The following ZDHHC22 variants were observed in gnomAD, a reference collection of about 807,000 sequenced individuals.
ZDHHC22 encodes zDHHC palmitoyltransferase 22, also known as palmitoyltransferase ZDHHC22.
In ZDHHC22, 13 loss-of-function variants were observed where a neutral mutation model predicts 17.0. That is an observed-to-expected ratio of 0.76 (90% CI 0.50 to 1.21). ZDHHC22 has a LOEUF of 1.21. Among genes scored for constraint, ZDHHC22 ranks in the 50% most tolerant of loss-of-function variants. ZDHHC22 has a pLI of 0.00. For synonymous variants in ZDHHC22, 138 were observed against 154.7 expected, an observed-to-expected ratio of 0.89 and a Z score of 0.80; for missense variants, 319 against 342.3, an observed-to-expected ratio of 0.93 and a Z score of 0.54.
chr14:77,137,983 G>A (rs746443622), intron 2 of ZDHHC22, among the ~76,000 whole-genome samples: 262 of 152,288 alleles, frequency 1.7e-3, no homozygotes, highest in Non-Finnish European at 2.9e-3. Flanking sequence ...CCACTCAGTA[G>A]CAGGAAGACA....
chr14:77,135,711 C>T (rs10147405), intron 2 of ZDHHC22, among the ~76,000 whole-genome samples: 9,722 of 152,208 alleles, frequency 0.064, 668 homozygotes, highest in African/African-American at 0.17. Context: ...GGCCCTCAAG[C>T]TGGGATGTGA....
In ZDHHC22 at chr14:77,133,773, T is replaced by G. The variant is rs891912239; in HGVS notation, c.702A>C (p.Leu234Phe). The G allele has an allele frequency of 2.5e-6, 4 of 1,614,024 alleles. No homozygotes were observed. In the Admixed American group the frequency reaches 5.0e-5, roughly 20 times the overall value. Reference protein sequence around the residue: ...AVRARPWRKNLQEVFGKRWLL... With the variant: ...AVRARPWRKNFQEVFGKRWLL... ...GCCACCTCTTTCCGAAGACCTCTTG[T>G]AAGTTCTTGCGCCAGGGCCGGGCCC... Residue 234 changes from leucine to phenylalanine, a missense_variant, in exon 3 of 3, where the codon TTA becomes TTC. Transcript: ENST00000319374.
rs1594831532 is a variant in ZDHHC22 at position 77,139,268 on chromosome 14, G to A, written c.471C>T (p.Ala157=). 4 of 1,595,378 alleles carry A rather than the reference G, an allele frequency of 2.5e-6. No individual in the cohort carries two copies. The East Asian group carries it at 9.1e-5, about 36-fold the overall frequency. Residue 157 remains alanine (A), a synonymous_variant, in exon 2 of 3, where the codon GCC becomes GCT. Coordinates refer to ENST00000319374, the MANE Select transcript of ZDHHC22 (RefSeq NM_174976.2). ...YISAVLSISF[A]HPLAFLTLLP... ...GGAGCGTGAGGAAGGCCAAGGGGTGGGCGAAGGAGATGGAAAGGACAGCGG... is the reference window on the plus strand; with the variant it reads ...GGAGCGTGAGGAAGGCCAAGGGGTGAGCGAAGGAGATGGAAAGGACAGCGG...
In ZDHHC22 at chr14:77,133,716, G is replaced by T. The variant is rs767563207; in HGVS notation, c.759C>A (p.Val253=). Reference sequence around the variant, plus strand: ...CCTGCTGCTTGGAGCTCTCACTTCCGACATTGAACATGGGGACCAGCAGGC... The same window carrying T: ...CCTGCTGCTTGGAGCTCTCACTTCCTACATTGAACATGGGGACCAGCAGGC... The part of the protein sequence containing the change: ...LLGLLVPMFN[V]GSESSKQQDK Residue 253 remains valine, a synonymous_variant, in exon 3 of 3, where the codon GTC becomes GTA. Transcript: ENST00000319374. 2 of 1,613,936 alleles carry T rather than the reference G, an allele frequency of 1.2e-6. No homozygotes were observed. The highest frequency in any genetic ancestry group is 1.1e-5 in the South Asian group (1 of 91,064).
chr14:77,133,131 C>A lies in ZDHHC22; in HGVS notation c.*552G>T, dbSNP rs955863538. ...AACCTGGTGGGGGGTGGTGAGGGAG[C>A]AGCAAGCTACTAAGTTCTTTTTCCT... On this transcript the variant is annotated 3_prime_UTR_variant, in exon 3 of 3. Transcript: ENST00000319374. 6.6e-6 allele frequency: 1 copy of A among 152,404 alleles called. No individual in the cohort carries two copies. Among genetic ancestry groups the A allele is most frequent in the Non-Finnish European group, 1.5e-5 (1 of 68,238 alleles). The allele number at this position is 152,404 out of a possible 1,614,324, so 9.4% of individuals were successfully genotyped here. A position where few individuals can be genotyped will look rare whatever the true frequency, so the allele number is the denominator to read the frequency against.
rs981834472 is a variant in ZDHHC22, at chr14:77,140,975, A to G, written c.-15+628T>C. ...GTTGCACCTAGGATGGGTGGATGCC[A>G]CGGGGCCTCCGTCCAGGCTGTCCCG... On this transcript the variant is annotated intron_variant, in intron 1 of 2. Transcript: ENST00000319374. This position sits in a 1 kb window ranked among gnomAD's most constrained non-coding sequence, Gnocchi z 5.9. 3.3e-5 allele frequency: 5 copies of G among 152,262 alleles called. No homozygotes were observed. The highest frequency in any genetic ancestry group is 1.2e-4 in the African/African-American group (5 of 41,468). The allele number at this position is 152,262 out of a possible 1,614,324, so 9.4% of individuals were successfully genotyped here.
At position 77,140,155 on chromosome 14, in the gene ZDHHC22, G is replaced by A. The variant is rs905972547; in HGVS notation, c.-14-403C>T. On this transcript the variant is annotated intron_variant, in intron 1 of 2. Transcript: ENST00000319374. The surrounding 1 kb of genome is among the most constrained non-coding windows in gnomAD (Gnocchi z 5.9). Reference sequence around the variant, plus strand: ...GGATTTCTGGTTCAGACCTCCCTAGGAGGAGAAAGGGAAGGATTTGGGGTC... The same window carrying A: ...GGATTTCTGGTTCAGACCTCCCTAGAAGGAGAAAGGGAAGGATTTGGGGTC... 6.6e-5 allele frequency among the ~76,000 whole-genome samples: 10 copies of A among 152,092 alleles called. No individual in the cohort carries two copies. Among genetic ancestry groups the A allele is most frequent in the African/African-American group, 2.2e-4 (9 of 41,408 alleles).
intron 1 of ZDHHC22, chr14:77,141,272 A>G (rs1186028751): frequency 6.6e-6 from 1 of 152,300 alleles, no homozygotes; most frequent in Non-Finnish European, 1.5e-5. Flanking sequence ...GCGCGGGAGC[A>G]GCCAGATGCG....
rs1887075625 is a variant in ZDHHC22 at position 77,133,626 on chromosome 14, T to C, written c.*57A>G. ...ATGGGTGGAGACAAGGCTGCCATGG[T>C]TTTATGCTCAGGAGGAGTCAAGACA... On this transcript the variant is annotated 3_prime_UTR_variant, in exon 3 of 3. Transcript: ENST00000319374. 1 of 1,565,296 alleles carries C rather than the reference T, an allele frequency of 6.4e-7. No individual in the cohort carries two copies. Among genetic ancestry groups the C allele is most frequent in the African/African-American group, 1.4e-5 (1 of 73,918 alleles).
chr14:77,136,730 C>T lies in ZDHHC22; in HGVS notation c.526+2483G>A, dbSNP rs563931653. On this transcript the variant is annotated intron_variant, in intron 2 of 2. Coordinates refer to ENST00000319374, the MANE Select transcript of ZDHHC22 (RefSeq NM_174976.2). ...ATCCATGCTCTGGTGACAGATCTGA[C>T]TCAGATCTGTACCACAGTTGGGGAC... Among the ~76,000 whole-genome samples, 9 of 152,302 alleles carry T rather than the reference C, an allele frequency of 5.9e-5. No homozygotes were observed. In the South Asian group the frequency reaches 1.9e-3, roughly 32 times the overall value.
Position 77,133,412 on chromosome 14 carries a change from C to A in ZDHHC22, c.*271G>T. 2.3e-6 allele frequency: 1 copy of A among 439,322 alleles called. No individual in the cohort carries two copies. Among genetic ancestry groups the A allele is most frequent in the Non-Finnish European group, 4.0e-6 (1 of 248,052 alleles). 27.2% of individuals were successfully genotyped at this position (439,322 alleles called of 1,614,324 possible). A position where few individuals can be genotyped will look rare whatever the true frequency, so the allele number is the denominator to read the frequency against. ...CAGGAAGAGGGGGAAAGCAGGGATC[C>A]CAAGGGGACGGAAAGAAAGCAGAGG... On this transcript the variant is annotated 3_prime_UTR_variant, in exon 3 of 3. Transcript: ENST00000319374.
chr14:77,139,612 G>A lies in ZDHHC22; in HGVS notation c.127C>T (p.Leu43Phe). 3.8e-6 allele frequency: 6 copies of A among 1,584,346 alleles called. No homozygotes were observed. The highest frequency in any genetic ancestry group is 5.2e-6 in the Non-Finnish European group (6 of 1,164,982). ...SMREDPAAAR[L>F]FSPALLHGAL... ...CCGTGGAGCAGGGCGGGCGAGAAGA[G>A]CCGGGCGGCCGCGGGGTCCTCGCGC... Residue 43 changes from leucine to phenylalanine, a missense_variant, in exon 2 of 3, where the codon CTC (leucine) becomes TTC (phenylalanine). By Grantham distance (22) the Leu-to-Phe change is conservative (BLOSUM62 0). Transcript: ENST00000319374.
chr14:77,133,308 C>T lies in ZDHHC22; in HGVS notation c.*375G>A, dbSNP rs576769601. ...ATACCAGCAGCAAGAATCCACTCCC[C>T]TCTCCCAACATGGGGGCTGAGAGGA... On this transcript the variant is annotated 3_prime_UTR_variant, in exon 3 of 3. Transcript: ENST00000319374. 1.6e-5 allele frequency: 3 copies of T among 191,908 alleles called. No homozygotes were observed. Among genetic ancestry groups the T allele is most frequent in the African/African-American group, 4.7e-5 (2 of 43,006 alleles). The allele number at this position is 191,908 out of a possible 1,614,324, so 11.9% of individuals were successfully genotyped here.
intron 2 of ZDHHC22, among the ~76,000 whole-genome samples, chr14:77,138,475 T>C (rs1213852256): frequency 6.6e-6 from 1 of 152,236 alleles, no homozygotes; most frequent in East Asian, 1.9e-4. Flanking sequence ...AGAGAATCAC[T>C]TGAACCTGGG....
chr14:77,138,099 G>A (rs968216680), intron 2 of ZDHHC22, among the ~76,000 whole-genome samples: 2 of 152,168 alleles, frequency 1.3e-5, no homozygotes, highest in East Asian at 1.9e-4. Flanking sequence ...TACTGATTGT[G>A]GAAGCTAAGC....
chr14:77,139,655 G>A lies in ZDHHC22; in HGVS notation c.84C>T (p.Phe28=). ...CCTCGCGCATGCTGGGCAGGAAGAG[G>A]AAGAGCTGCAGCACGAAGGTCACCA... is the stretch of plus-strand genomic sequence containing the variant. ...ISLVTFVLQL[F]LFLPSMREDP... Residue 28 remains phenylalanine, a synonymous_variant, in exon 2 of 3, where the codon TTC becomes TTT. Coordinates refer to ENST00000319374, the MANE Select transcript of ZDHHC22 (RefSeq NM_174976.2). 1 of 1,573,564 alleles carries A rather than the reference G, an allele frequency of 6.4e-7. No individual in the cohort carries two copies. Among genetic ancestry groups the A allele is most frequent in the Non-Finnish European group, 8.6e-7 (1 of 1,159,598 alleles).
In ZDHHC22 at chr14:77,133,733, C is replaced by A. The variant is rs751227090; in HGVS notation, c.742G>T (p.Val248Phe). The A allele has an allele frequency of 2.5e-6, 4 of 1,613,958 alleles. No homozygotes were observed. The highest frequency in any genetic ancestry group is 3.4e-6 in the Non-Finnish European group (4 of 1,179,890). ...TCACTTCCGACATTGAACATGGGGA[C>A]CAGCAGGCCCAGCAGCCACCTCTTT... ...FGKRWLLGLLVPMFNVGSESS... is the reference protein window; with the variant it reads ...FGKRWLLGLLFPMFNVGSESS... Residue 248 changes from valine to phenylalanine, a missense_variant, in exon 3 of 3, where the codon GTC becomes TTC. By Grantham distance (50) the Val-to-Phe change is conservative. Transcript: ENST00000319374.
intron 2 of ZDHHC22, among the ~76,000 whole-genome samples, chr14:77,135,104 C>A (rs1887108596): frequency 6.6e-6 from 1 of 152,080 alleles, no homozygotes. Flanking sequence ...ACCTACCCAG[C>A]AGCCAGGGCA....
rs927331456 is a variant in ZDHHC22, at chr14:77,140,583, G to T, written c.-14-831C>A. On this transcript the variant is annotated intron_variant, in intron 1 of 2. Coordinates refer to ENST00000319374, the MANE Select transcript of ZDHHC22 (RefSeq NM_174976.2). This position sits in a 1 kb window ranked among gnomAD's most constrained non-coding sequence, Gnocchi z 5.9. ...CTGGCCAGCACATCTCTCCAACGCTGGCTGCCCGGGCTATTTCTTTGCGAA... is the reference window on the plus strand; with the variant it reads ...CTGGCCAGCACATCTCTCCAACGCTTGCTGCCCGGGCTATTTCTTTGCGAA... The T allele has an allele frequency of 3.9e-5, 6 of 152,050 alleles. No individual in the cohort carries two copies. The highest frequency in any genetic ancestry group is 7.4e-5 in the Non-Finnish European group (5 of 67,998). 9.4% of individuals were successfully genotyped at this position (152,050 alleles called of 1,614,324 possible). A position where few individuals can be genotyped will look rare whatever the true frequency, so the allele number is the denominator to read the frequency against.
Sources: gnomAD v4.1 joint callset for allele counts (sites outside exome capture counted in the v4.1 genomes callset) on GRCh38, gnomAD v4.1.1 for gene constraint, Gnocchi (gnomAD v3.1) non-coding constraint, MANE v1.5 for transcripts, NCBI Gene and HGNC (gene_info 2026-07-23, HGNC 2026-07-21) for gene names.